Variants in CNTNAP5 observed in about 807,000 individuals in gnomAD.
The protein encoded by CNTNAP5 is contactin-associated protein-like 5.
CNTNAP5 carries 72 observed loss-of-function variants against 150.2 expected under a neutral mutation model. That is an observed-to-expected ratio of 0.48 (90% CI 0.40 to 0.58). The LOEUF (loss-of-function observed/expected upper bound fraction) is 0.58. Ranked by LOEUF, CNTNAP5 falls within the 20% of genes least tolerant of loss-of-function variation. The probability of loss-of-function intolerance (pLI) is 0.00; values close to 1 mark genes in which losing one functional copy is unlikely to be tolerated. For missense variants in CNTNAP5, 1,636 were observed against 1,626.2 expected, an observed-to-expected ratio of 1.01 and a Z score of -0.10; for synonymous variants, 672 against 619.8, an observed-to-expected ratio of 1.08 and a Z score of -1.25.
chr2:124,710,368 A>C (rs1297271531), intron 13 of CNTNAP5, among the ~76,000 whole-genome samples: 1 of 152,214 alleles, frequency 6.6e-6, no homozygotes, highest in African/African-American at 2.4e-5. Context: ...TAAGCAAAAT[A>C]AAACAAGCTT....
chr2:124,582,817 C>A (rs1194622604), intron 11 of CNTNAP5, among the ~76,000 whole-genome samples: 2 of 152,152 alleles, frequency 1.3e-5, no homozygotes, highest in Non-Finnish European at 1.5e-5. Context: ...TAATTAACTT[C>A]TTGACACAAT....
intron 2 of CNTNAP5, among the ~76,000 whole-genome samples, chr2:124,232,181 A>C (rs1170623): frequency 0.14 from 20,797 of 152,168 alleles, 2,025 homozygotes; most frequent in East Asian, 0.35. Flanking sequence ...TTGCAACAAA[A>C]CTGTAAGAAT....
rs976001093 is a variant in CNTNAP5, at chr2:124,747,484, C to T, written c.2234+99C>T. Reference sequence around the variant, plus strand: ...AAGGACATGGATGAGAAATTCAATACAAACTGGAGCTCCCCCGATGGTGAC... The same window carrying T: ...AAGGACATGGATGAGAAATTCAATATAAACTGGAGCTCCCCCGATGGTGAC... On this transcript the variant is annotated intron_variant, in intron 14 of 23. Transcript: ENST00000682447. 1.1e-5 allele frequency: 15 copies of T among 1,362,904 alleles called. No homozygotes were observed. The African/African-American group carries it at 2.0e-4, about 18-fold the overall frequency. 84.4% of individuals were successfully genotyped at this position (1,362,904 alleles called of 1,614,324 possible).
chr2:124,159,213 T>A (rs1684616061), intron 1 of CNTNAP5, among the ~76,000 whole-genome samples: 1 of 150,522 alleles, frequency 6.6e-6, no homozygotes, highest in Non-Finnish European at 1.5e-5. Context: ...TTTATTCAGA[T>A]TTTTTTAAAA....
intron 19 of CNTNAP5, among the ~76,000 whole-genome samples, chr2:124,828,263 C>T (rs1448313516): frequency 3.3e-5 from 5 of 152,096 alleles, no homozygotes; most frequent in Non-Finnish European, 7.3e-5. Context: ...GGGCGGATCA[C>T]GAGGTCAGGA....
At chr2:124,312,570 TG>T (rs1688857844) in intron 3 of CNTNAP5, among the ~76,000 whole-genome samples, 1 of 151,964 alleles carries the variant, frequency 6.6e-6, no homozygotes, top group African/African-American at 2.4e-5. Context: ...TTTGTTTGTT[TG>T]TTTGTTTGTT....
chr2:124,077,321 G>C (rs909731480), intron 1 of CNTNAP5, among the ~76,000 whole-genome samples: 3 of 152,064 alleles, frequency 2.0e-5, no homozygotes, highest in African/African-American at 7.2e-5. Flanking sequence ...AATCAGTATT[G>C]TAAGCCTTAT....
chr2:124,494,016 A>G (rs1004933024), intron 7 of CNTNAP5, among the ~76,000 whole-genome samples: 1 of 144,448 alleles, frequency 6.9e-6, no homozygotes, highest in African/African-American at 2.6e-5. Context: ...CACTTCCTTC[A>G]GCCTTATGTG....
At chr2:124,379,695 C>T (rs767768230) in intron 3 of CNTNAP5, among the ~76,000 whole-genome samples, 8 of 152,106 alleles carry the variant, frequency 5.3e-5, no homozygotes, top group Middle Eastern at 3.2e-3. Context: ...TGGGCATGGC[C>T]TCCCTTGTGA....
chr2:124,076,558 A>T (rs1231527471), intron 1 of CNTNAP5, among the ~76,000 whole-genome samples: 1 of 151,348 alleles, frequency 6.6e-6, no homozygotes, highest in Non-Finnish European at 1.5e-5. Flanking sequence ...TACCACAAAC[A>T]CTCTCTTGGT....
intron 3 of CNTNAP5, among the ~76,000 whole-genome samples, chr2:124,325,812 C>A (rs545324087): frequency 1.3e-5 from 2 of 152,244 alleles, no homozygotes; most frequent in African/African-American, 2.4e-5. Context: ...TGCCTTAACT[C>A]ATATTCATTT....
intron 19 of CNTNAP5, among the ~76,000 whole-genome samples, chr2:124,812,366 C>G (rs1682255684): frequency 6.6e-6 from 1 of 150,902 alleles, no homozygotes; most frequent in African/African-American, 2.4e-5. Flanking sequence ...CCCCAACCCC[C>G]CAGTGATCAG....
At chr2:124,299,933 C>T (rs1688534214) in intron 3 of CNTNAP5, among the ~76,000 whole-genome samples, 1 of 152,168 alleles carries the variant, frequency 6.6e-6, no homozygotes, top group Admixed American at 6.5e-5. Context: ...ATAGTTAATA[C>T]ACACCACTCT....
At chr2:124,126,950 A>G (rs1683720050) in intron 1 of CNTNAP5, among the ~76,000 whole-genome samples, 1 of 152,232 alleles carries the variant, frequency 6.6e-6, no homozygotes, top group African/African-American at 2.4e-5. Flanking sequence ...CACAGCCAAT[A>G]TCATACTGAA....
intron 21 of CNTNAP5, among the ~76,000 whole-genome samples, chr2:124,895,069 T>G (rs1431039258): frequency 6.6e-6 from 1 of 151,570 alleles, no homozygotes; most frequent in Admixed American, 6.6e-5. Flanking sequence ...AGCCAGGTAG[T>G]TAGTGTTCAG....
At chr2:124,865,063 T>G (rs2104719873) in intron 19 of CNTNAP5, among the ~76,000 whole-genome samples, 1 of 152,050 alleles carries the variant, frequency 6.6e-6, no homozygotes, top group East Asian at 1.9e-4. Flanking sequence ...GGCATTTTGG[T>G]TTGTGATAAC....
At chr2:124,062,037 A>G (rs1402882058) in intron 1 of CNTNAP5, among the ~76,000 whole-genome samples, 1 of 144,198 alleles carries the variant, frequency 6.9e-6, no homozygotes, top group Non-Finnish European at 1.5e-5. Context: ...GGCTGTTTCC[A>G]CAGCCTCCGA....
At chr2:124,156,397 T>G (rs1266491970) in intron 1 of CNTNAP5, among the ~76,000 whole-genome samples, 1 of 152,220 alleles carries the variant, frequency 6.6e-6, no homozygotes, top group East Asian at 1.9e-4. Context: ...ATCATCATGA[T>G]GTCAATGTTC....
rs575252262 is a variant in CNTNAP5, at chr2:124,919,939, C to T, written c.*5651C>T. On this transcript the variant is annotated 3_prime_UTR_variant, in exon 24 of 24. Coordinates refer to ENST00000682447, the MANE Select transcript of CNTNAP5 (RefSeq NM_001367498.1). The stretch of plus-strand genomic sequence containing the variant: ...GTGGAAGTCCTCAGATTCTGGAATC[C>T]ATCCAGTGTCTTTCTTTTCCTTCCA... 6.6e-6 allele frequency among the ~76,000 whole-genome samples: 1 copy of T among 151,916 alleles called. No homozygotes were observed. Among genetic ancestry groups the T allele is most frequent in the South Asian group, 2.1e-4 (1 of 4,828 alleles).
Sources: allele counts gnomAD v4.1 joint callset (sites outside exome capture counted in the v4.1 genomes callset), GRCh38; gene constraint gnomAD v4.1.1; transcripts MANE v1.5; gene names NCBI Gene and HGNC (gene_info 2026-07-23, HGNC 2026-07-21).